CNTN5: variants seen among roughly 807,000 people sequenced by gnomAD.
The protein encoded by CNTN5 is contactin 5.
In CNTN5, 77 loss-of-function variants were observed where a neutral mutation model predicts 129.1. The ratio of observed to expected loss-of-function variants is 0.60; its 90% CI spans 0.50 to 0.72. The LOEUF (loss-of-function observed/expected upper bound fraction) is 0.72. Ranked by LOEUF, CNTN5 falls within the 30% of genes least tolerant of loss-of-function variation. CNTN5 has a pLI of 0.00. For missense variants in CNTN5, 1,478 were observed against 1,328.8 expected, an observed-to-expected ratio of 1.11 and a Z score of -1.75; for synonymous variants, 509 against 465.6, an observed-to-expected ratio of 1.09 and a Z score of -1.20.
intron 9 of CNTN5, among the ~76,000 whole-genome samples, chr11:100,032,008 T>C (rs1376149554): frequency 1.3e-5 from 2 of 152,148 alleles, no homozygotes; most frequent in Non-Finnish European, 2.9e-5. Flanking sequence ...CCGATCCACA[T>C]AGGAACAAGG....
chr11:99,805,994 C>G (rs1946257054), intron 3 of CNTN5, among the ~76,000 whole-genome samples: 2 of 152,152 alleles, frequency 1.3e-5, no homozygotes, highest in African/African-American at 4.8e-5. Flanking sequence ...TGAGGTGTCA[C>G]TAGTAATACA....
chr11:99,129,574 C>G (rs2135429286), intron 1 of CNTN5, among the ~76,000 whole-genome samples: 1 of 152,218 alleles, frequency 6.6e-6, no homozygotes, highest in Middle Eastern at 3.4e-3. Context: ...TTTAACCTAG[C>G]AAGACAGGCC....
chr11:99,615,801 G>GCC (rs1950743236), intron 3 of CNTN5, among the ~76,000 whole-genome samples: 1 of 148,762 alleles, frequency 6.7e-6, no homozygotes, highest in Admixed American at 6.7e-5. Context: ...TCATTCTATT[G>GCC]TCCAGGCTGG....
At chr11:99,115,274 A>T (rs1188713764) in intron 1 of CNTN5, among the ~76,000 whole-genome samples, 1 of 152,190 alleles carries the variant, frequency 6.6e-6, no homozygotes, top group Non-Finnish European at 1.5e-5. Context: ...CTTTAATTGA[A>T]TTTCCATTTC....
intron 3 of CNTN5, among the ~76,000 whole-genome samples, chr11:99,624,459 A>G (rs529826048): frequency 2.6e-5 from 4 of 152,110 alleles, no homozygotes; most frequent in Non-Finnish European, 5.9e-5. Flanking sequence ...CACTTCAAAT[A>G]ATGTTTGAGT....
chr11:99,617,462 T>C (rs1251664025), intron 3 of CNTN5, among the ~76,000 whole-genome samples: 4 of 152,222 alleles, frequency 2.6e-5, no homozygotes, highest in Non-Finnish European at 5.9e-5. Context: ...CCGAAGGCTC[T>C]GACAAAGTTT....
chr11:100,185,754 C>CCT (rs1450285296), intron 13 of CNTN5, among the ~76,000 whole-genome samples: 1 of 151,836 alleles, frequency 6.6e-6, no homozygotes, highest in African/African-American at 2.4e-5. Context: ...GGAAGAGAAA[C>CCT]CTCTCTCTCT....
At chr11:99,339,188 A>G (rs1035995574) in intron 2 of CNTN5, among the ~76,000 whole-genome samples, 7 of 25,034 alleles carry the variant, frequency 2.8e-4, no homozygotes, top group African/African-American at 8.6e-4. Flanking sequence ...ATTAAAAATG[A>G]AAACATTAAA....
intron 1 of CNTN5, among the ~76,000 whole-genome samples, chr11:99,080,694 C>T (rs1409291917): frequency 6.6e-6 from 1 of 152,166 alleles, no homozygotes; most frequent in Admixed American, 6.5e-5. Context: ...GCTCCTACAT[C>T]ACACAGGGAG....
chr11:99,791,320 A>G (rs936646456), intron 3 of CNTN5, among the ~76,000 whole-genome samples: 7 of 152,028 alleles, frequency 4.6e-5, no homozygotes, highest in Middle Eastern at 3.2e-3. Flanking sequence ...TGCTTCTTGT[A>G]TATTTTATAA....
intron 1 of CNTN5, among the ~76,000 whole-genome samples, chr11:99,189,372 T>G (rs1858517314): frequency 6.6e-6 from 1 of 151,656 alleles, no homozygotes; most frequent in African/African-American, 2.4e-5. Context: ...AGATATGTCT[T>G]CAACATAATG....
intron 21 of CNTN5, chr11:100,309,766 A>G: frequency 5.3e-6 from 5 of 943,864 alleles, no homozygotes; most frequent in Non-Finnish European, 1.3e-6. Flanking sequence ...TGGTTTGTCC[A>G]GTTTCCCTTC....
chr11:99,299,894 C>A (rs1864554595), intron 1 of CNTN5, among the ~76,000 whole-genome samples: 1 of 151,914 alleles, frequency 6.6e-6, no homozygotes, highest in Non-Finnish European at 1.5e-5. Flanking sequence ...TGTTTTCTTT[C>A]CCTTCAGATA....
chr11:100,051,079 T>A (rs1013988632), intron 9 of CNTN5, among the ~76,000 whole-genome samples: 2 of 152,108 alleles, frequency 1.3e-5, no homozygotes, highest in Non-Finnish European at 2.9e-5. Flanking sequence ...TCCAGTAATT[T>A]ATCAATTATA....
At chr11:99,536,196 C>T (rs752717454) in intron 2 of CNTN5, among the ~76,000 whole-genome samples, 17 of 152,016 alleles carry the variant, frequency 1.1e-4, no homozygotes, top group Non-Finnish European at 1.6e-4. Flanking sequence ...TTACTAATGT[C>T]CTTGTATTTT....
chr11:99,447,614 T>C (rs1226950878), intron 2 of CNTN5, among the ~76,000 whole-genome samples: 1 of 152,204 alleles, frequency 6.6e-6, no homozygotes, highest in Non-Finnish European at 1.5e-5. Context: ...GTAATCAATA[T>C]GTGTAAAGTA....
chr11:99,894,557 C>G (rs190110647), intron 6 of CNTN5, among the ~76,000 whole-genome samples: 1 of 103,184 alleles, frequency 9.7e-6, no homozygotes, highest in African/African-American at 3.6e-5. Flanking sequence ...AAAACAAAAA[C>G]AAAAAAAACA....
intron 13 of CNTN5, among the ~76,000 whole-genome samples, chr11:100,159,015 CA>C (rs1363231864): frequency 1.3e-5 from 2 of 151,762 alleles, no homozygotes; most frequent in Non-Finnish European, 2.9e-5. Context: ...CTATATCTAA[CA>C]ATATAGGTGA....
At position 100,070,498 on chromosome 11, in the gene CNTN5, G is replaced by A; in HGVS notation, c.1237G>A (p.Ala413Thr). The change falls in exon 11 of 25, where the codon GCT becomes ACT. Residue 413 changes from alanine to threonine, a missense_variant. Ala to Thr is a moderately conservative substitution (Grantham distance 58). Coordinates refer to ENST00000524871, the MANE Select transcript of CNTN5 (RefSeq NM_014361.4). ...SGSPLRWECK[A>T]TGKPRPTYRW... ...GAGCCCTCTCCGATGGGAATGTAAG[G>A]CTACTGGAAAACCCAGACCCACGTA... is the stretch of plus-strand genomic sequence containing the variant. The A allele has an allele frequency of 6.2e-7, 1 of 1,613,062 alleles. No individual in the cohort carries two copies. The highest frequency in any genetic ancestry group is 8.5e-7 in the Non-Finnish European group (1 of 1,179,476).
Sources: gnomAD v4.1 joint callset for allele counts (sites outside exome capture counted in the v4.1 genomes callset) on GRCh38, gnomAD v4.1.1 for gene constraint, MANE v1.5 for transcripts, NCBI Gene and HGNC (gene_info 2026-07-23, HGNC 2026-07-21) for gene names.